PDSS1: variants seen among roughly 807,000 people sequenced by gnomAD.
PDSS1 encodes the protein all trans-polyprenyl-diphosphate synthase PDSS1.
In PDSS1, 43 loss-of-function variants were observed where a neutral mutation model predicts 57.5. The observed-to-expected ratio is 0.75, with a 90% CI of 0.59 to 0.96. The LOEUF (loss-of-function observed/expected upper bound fraction) is 0.96, where lower values mean the gene tolerates loss of function less well. PDSS1 is among the 50% of genes least tolerant of loss of function. The pLI, the probability that PDSS1 is intolerant of heterozygous loss-of-function variation, is 0.00. For missense variants in PDSS1, 438 were observed against 527.8 expected, an observed-to-expected ratio of 0.83 and a Z score of 1.67; for synonymous variants, 175 against 191.3, an observed-to-expected ratio of 0.91 and a Z score of 0.70.
chr10:26,745,356 T>C (rs1351404574), intron 11 of PDSS1, among the ~76,000 whole-genome samples: 1 of 152,142 alleles, frequency 6.6e-6, no homozygotes, highest in Admixed American at 6.5e-5. Flanking sequence ...TAAATATCTA[T>C]AGTCTAACAA....
At chr10:26,706,616 A>C (rs1202399302) in intron 4 of PDSS1, among the ~76,000 whole-genome samples, 1 of 152,044 alleles carries the variant, frequency 6.6e-6, no homozygotes, top group Non-Finnish European at 1.5e-5. Flanking sequence ...CTGCATTTTT[A>C]AAAGGCCCAT....
chr10:26,707,107 C>T (rs1835254813), intron 4 of PDSS1, among the ~76,000 whole-genome samples: 1 of 152,156 alleles, frequency 6.6e-6, no homozygotes. Flanking sequence ...GGTGGGCTGC[C>T]CGCATGCGCA....
At chr10:26,702,069 G>A (rs1386227574) in intron 1 of PDSS1, 93 bp from the exon 2 acceptor site, 4 of 438,622 alleles carry the variant, frequency 9.1e-6, no homozygotes, top group Non-Finnish European at 1.8e-5. Context: ...CTTCGTTTTG[G>A]CCAATTTCTA....
intron 5 of PDSS1, 96 bp downstream of exon 5, chr10:26,709,864 A>G (rs1835365874): frequency 2.2e-6 from 3 of 1,346,332 alleles, no homozygotes; most frequent in African/African-American, 1.4e-5. Flanking sequence ...AAGAATTAGC[A>G]TATACCGGCT....
At chr10:26,708,379 T>A (rs1304079699) in intron 4 of PDSS1, among the ~76,000 whole-genome samples, 2 of 152,186 alleles carry the variant, frequency 1.3e-5, no homozygotes, top group Non-Finnish European at 2.9e-5. Context: ...CAGAACCCTG[T>A]TTAGGCTTCT....
chr10:26,716,216 C>A (rs998952958), intron 5 of PDSS1, among the ~76,000 whole-genome samples: 1 of 152,068 alleles, frequency 6.6e-6, no homozygotes, highest in East Asian at 1.9e-4. Context: ...TGGAGGCGCC[C>A]TTGATACAGA....
intron 10 of PDSS1, among the ~76,000 whole-genome samples, chr10:26,736,256 C>T (rs189505353): frequency 6.6e-6 from 1 of 152,214 alleles, no homozygotes; most frequent in Admixed American, 6.5e-5. Flanking sequence ...CCAGACCCTG[C>T]CACATGGCTT....
intron 4 of PDSS1, among the ~76,000 whole-genome samples, chr10:26,708,166 C>A (rs971574981): frequency 6.6e-6 from 1 of 152,328 alleles, no homozygotes; most frequent in East Asian, 1.9e-4. Context: ...ACCTTTGTGA[C>A]CTCTGTGTCT....
intron 11 of PDSS1, among the ~76,000 whole-genome samples, chr10:26,745,729 C>A (rs1836835670): frequency 2.0e-5 from 3 of 152,012 alleles, no homozygotes; most frequent in Admixed American, 2.0e-4. Context: ...CGCCTGTAGT[C>A]CCAGCTACTT....
At chr10:26,734,193 G>T (rs981777282) in intron 8 of PDSS1, among the ~76,000 whole-genome samples, 1 of 152,190 alleles carries the variant, frequency 6.6e-6, no homozygotes, top group South Asian at 2.1e-4. Flanking sequence ...AGCAGAGCCC[G>T]CAGCACTGCA....
chr10:26,720,800 C>G (rs1036732751), intron 6 of PDSS1, among the ~76,000 whole-genome samples: 1 of 152,106 alleles, frequency 6.6e-6, no homozygotes, highest in African/African-American at 2.4e-5. Context: ...AAAATTCTGT[C>G]TTTTGAAATA....
intron 11 of PDSS1, among the ~76,000 whole-genome samples, chr10:26,745,205 TGA>T (rs1482535574): frequency 6.6e-6 from 1 of 152,166 alleles, no homozygotes; most frequent in African/African-American, 2.4e-5. Context: ...AGAGGGATCA[TGA>T]GCCATGGAGA....
chr10:26,697,969 AGCTCCGGGGTG>A (rs1757391779), intron 1 of PDSS1, 129 bp downstream of exon 1: 3 of 889,012 alleles, frequency 3.4e-6, no homozygotes, highest in African/African-American at 3.5e-5. Context: ...GCTCCGGGGT[AGCTCCGGGGTG>A]GGACTCCGGA....
rs3214919 is a variant in PDSS1, at chr10:26,742,795, C to CT, written c.1107+220dup. On this transcript the variant is annotated intron_variant, in intron 11 of 11. Transcript: ENST00000376215. ...TACGAAATGTTTTGTTTTAACTGGT[C>CT]TTAGGTAAGGCACAGACATTAATAT... Among the ~76,000 whole-genome samples the CT allele has an allele frequency of 0.072, 10,919 of 152,210 alleles. 419 individuals are homozygous for CT. The highest frequency in any genetic ancestry group is 0.15 in the East Asian group (772 of 5,178).
chr10:26,711,053 C>G (rs895276388), intron 5 of PDSS1, among the ~76,000 whole-genome samples: 1 of 97,990 alleles, frequency 1.0e-5, no homozygotes, highest in Non-Finnish European at 2.4e-5. Context: ...CATGCACTGA[C>G]GGGGGATCTG....
chr10:26,704,083 C>CAAAA lies in PDSS1; in HGVS notation c.163-578_163-575dup, dbSNP rs1203931422. On this transcript the variant is annotated intron_variant, in intron 2 of 11. Transcript: ENST00000376215. The stretch of plus-strand genomic sequence containing the variant: ...GACGACAGAACGAGACTCCGTCTCA[C>CAAAA]AAAAAAAAAAAAAAAAAAATATGGC... 5.4e-3 allele frequency among the ~76,000 whole-genome samples: 167 copies of CAAAA among 31,078 alleles called. 13 individuals carry two copies. The highest frequency in any genetic ancestry group is 0.014 in the African/African-American group (144 of 9,954). 20.4% of individuals were successfully genotyped at this position (31,078 alleles called of 152,430 possible).
rs1187687779 is a variant in PDSS1 at position 26,711,090 on chromosome 10, C to T, written c.467+1322C>T. On this transcript the variant is annotated intron_variant, in intron 5 of 11. Transcript: ENST00000376215. ...GGGCATGTCTCAGAATCCACCACAA[C>T]TCTGTTTTCTGGACGTGTCAAGTCT... is the stretch of plus-strand genomic sequence containing the variant. Among the ~76,000 whole-genome samples, 4 of 98,108 alleles carry T rather than the reference C, an allele frequency of 4.1e-5. 2 individuals are homozygous for T. The highest frequency in any genetic ancestry group is 2.4e-4 in the Admixed American group (2 of 8,218). The allele number at this position is 98,108 out of a possible 152,430, so 64.4% of individuals were successfully genotyped here.
Position 26,738,040 on chromosome 10 carries a change from A to T in PDSS1, c.1026+2461A>T, listed in dbSNP as rs183323415. ...CACATGGGCCAGAAGTTAGCCAAGT[A>T]TGTATTTATAAGTTGCCTTCTAATA... On this transcript the variant is annotated intron_variant, in intron 10 of 11. Coordinates refer to ENST00000376215, the MANE Select transcript of PDSS1 (RefSeq NM_014317.5). 7.9e-4 allele frequency among the ~76,000 whole-genome samples: 120 copies of T among 152,342 alleles called. 1 individual carries two copies. The highest frequency in any genetic ancestry group is 2.7e-3 in the African/African-American group (113 of 41,574).
chr10:26,709,891 G>A lies in PDSS1; in HGVS notation c.467+123G>A, dbSNP rs1835366948. 4 of 1,047,308 alleles carry A rather than the reference G, an allele frequency of 3.8e-6. No homozygotes were observed. The Admixed American group carries it at 5.6e-5, about 15-fold the overall frequency. 64.9% of individuals were successfully genotyped at this position (1,047,308 alleles called of 1,614,324 possible). A position where few individuals can be genotyped will look rare whatever the true frequency, so the allele number is the denominator to read the frequency against. On this transcript the variant is annotated intron_variant, in intron 5 of 11. Transcript: ENST00000376215. ...ATACCGGCTGGGCATGGTGGCTCAT[G>A]CCTATAATCCCAGCATTCTGGGAGC...
Sources: gnomAD v4.1 joint callset for allele counts (sites outside exome capture counted in the v4.1 genomes callset) on GRCh38, gnomAD v4.1.1 for gene constraint, MANE v1.5 for transcripts, NCBI Gene and HGNC (gene_info 2026-07-23, HGNC 2026-07-21) for gene names.